Variants in CPO observed in about 807,000 individuals in gnomAD.
CPO encodes the protein metallocarboxypeptidase C.
Under a neutral mutation model 41.2 loss-of-function variants are expected in CPO, and 43 were observed. The observed-to-expected ratio is 1.04, with a 90% CI of 0.82 to 1.35. The LOEUF is 1.35. Among genes scored for constraint, CPO ranks in the 40% most tolerant of loss-of-function variants. The pLI is 0.00. For synonymous variants in CPO, 178 were observed against 162.7 expected (o/e 1.09, Z -0.72); for missense variants, 408 against 451.7 (o/e 0.90, Z 0.88).
At chr2:206,943,709 TAGATA>T (rs1559068319) in intron 1 of CPO, among the ~76,000 whole-genome samples, 2 of 73,484 alleles carry the variant, frequency 2.7e-5, no homozygotes, top group African/African-American at 5.2e-5. Flanking sequence ...GATAGATAGA[TAGATA>T]GATGATGGAT....
At chr2:206,943,472 T>C (rs1384439115) in intron 1 of CPO, among the ~76,000 whole-genome samples, 1 of 152,114 alleles carries the variant, frequency 6.6e-6, no homozygotes, top group Non-Finnish European at 1.5e-5. Flanking sequence ...ATTTTTATTC[T>C]CTTTATAGTC....
Position 206,959,752 on chromosome 2 carries a change from C to T in CPO, c.483+11C>T, listed in dbSNP as rs772178920. The T allele has an allele frequency of 1.7e-6, 2 of 1,187,420 alleles. No individual in the cohort carries two copies. Among genetic ancestry groups the T allele is most frequent in the Admixed American group, 3.4e-5 (2 of 58,176 alleles). The allele number at this position is 1,187,420 out of a possible 1,614,324, so 73.6% of individuals were successfully genotyped here. ...TACACTTGGACAACTGTGAGTACAC[C>T]ATGTTTGGTCCTGGGATGAGTTCAT... is the stretch of plus-strand genomic sequence containing the variant. On this transcript the variant is annotated intron_variant, in intron 5 of 8. Coordinates refer to ENST00000272852, the MANE Select transcript of CPO (RefSeq NM_173077.3).
In CPO at chr2:206,958,362, G is replaced by C. The variant is rs746305189; in HGVS notation, c.329G>C (p.Arg110Thr). 1.2e-6 allele frequency: 2 copies of C among 1,601,924 alleles called. No homozygotes were observed. Among genetic ancestry groups the C allele is most frequent in the African/African-American group, 1.3e-5 (1 of 74,372 alleles). The part of the protein sequence containing the change: ...IIWMDCGIHA[R>T]EWIAPAFCQW... The stretch of plus-strand genomic sequence containing the variant: ...TGGATGGACTGTGGAATTCACGCCA[G>C]AGAATGGATTGCTCCTGCTTTTTGC... Residue 110 changes from arginine to threonine, a missense_variant, in exon 4 of 9, where the codon AGA becomes ACA. Arg to Thr is a moderately conservative substitution (Grantham distance 71). Transcript: ENST00000272852.
At chr2:206,955,270 C>T (rs904394635) in intron 2 of CPO, among the ~76,000 whole-genome samples, 193 bp from the exon 3 acceptor site, 2 of 152,212 alleles carry the variant, frequency 1.3e-5, no homozygotes, top group Non-Finnish European at 2.9e-5. Flanking sequence ...GAACCTAAGA[C>T]TTGGTGACAG....
intron 1 of CPO, among the ~76,000 whole-genome samples, chr2:206,941,519 A>G (rs1693029462): frequency 6.6e-6 from 1 of 152,108 alleles, no homozygotes; most frequent in African/African-American, 2.4e-5. Context: ...CTTTAATTTA[A>G]AAAATTAGAT....
At chr2:206,946,637 A>T (rs1232324102) in intron 1 of CPO, among the ~76,000 whole-genome samples, 1 of 152,156 alleles carries the variant, frequency 6.6e-6, no homozygotes, top group Non-Finnish European at 1.5e-5. Flanking sequence ...ATAAAATAAA[A>T]AGTATACAGA....
intron 7 of CPO, 51 bp downstream of exon 7, chr2:206,962,665 C>T (rs1559074024): frequency 7.0e-7 from 1 of 1,428,872 alleles, no homozygotes; most frequent in African/African-American, 1.4e-5. Flanking sequence ...AGACCTCTGC[C>T]TTCCTTTTTC....
intron 7 of CPO, 33 bp from the exon 8 acceptor site, chr2:206,968,230 C>T (rs748953268): frequency 7.3e-7 from 1 of 1,364,322 alleles, no homozygotes; most frequent in South Asian, 1.2e-5. Flanking sequence ...ATTTTAAACA[C>T]CAGATATCTG....
At chr2:206,960,273 A>G (rs111867659) in intron 5 of CPO, among the ~76,000 whole-genome samples, 3 of 152,262 alleles carry the variant, frequency 2.0e-5, no homozygotes, top group African/African-American at 7.2e-5. Context: ...GAGAGTATGC[A>G]TTGCCTCCCC....
intron 1 of CPO, 140 bp downstream of exon 1, chr2:206,939,807 C>T (rs752563134): frequency 7.4e-5 from 37 of 498,778 alleles, no homozygotes; most frequent in Non-Finnish European, 1.3e-4. Flanking sequence ...ATAATAAAGA[C>T]CACTGAAATT....
At chr2:206,946,094 C>T (rs926255450) in intron 1 of CPO, among the ~76,000 whole-genome samples, 4 of 151,978 alleles carry the variant, frequency 2.6e-5, no homozygotes, top group African/African-American at 9.7e-5. Context: ...GCAATGTCTT[C>T]CAGAAATAGA....
At chr2:206,959,273 A>G (rs1693433755) in intron 4 of CPO, among the ~76,000 whole-genome samples, 1 of 152,094 alleles carries the variant, frequency 6.6e-6, no homozygotes, top group Admixed American at 6.5e-5. Context: ...TAGTTCTCGG[A>G]GTGTTGTCCC....
At chr2:206,945,976 T>TA (rs11394129) in intron 1 of CPO, among the ~76,000 whole-genome samples, 24,074 of 150,468 alleles carry the variant, frequency 0.16, 2,296 homozygotes, top group Middle Eastern at 0.33. Flanking sequence ...TTTTTTAAAT[T>TA]AAAAAAAAAG....
In CPO at chr2:206,949,636, CAA is replaced by C; in HGVS notation, c.89_90del (p.Gln30ArgfsTer18). 1 of 1,613,248 alleles carries C rather than the reference CAA, an allele frequency of 6.2e-7. No individual in the cohort carries two copies. The highest frequency in any genetic ancestry group is 1.1e-5 in the South Asian group (1 of 91,028). On this transcript the variant is annotated frameshift_variant, in exon 2 of 9. Coordinates refer to ENST00000272852, the MANE Select transcript of CPO (RefSeq NM_173077.3). LOFTEE classifies it high-confidence loss of function. ...TTGCAGATCCTTAGCCCAACACAGACAAGAGATTGTGGACAAGTCAGTGAGTC... is the reference window on the plus strand; with the variant it reads ...TTGCAGATCCTTAGCCCAACACAGACGAGATTGTGGACAAGTCAGTGAGTC... Reference protein sequence around the residue: ...GYDRSLAQHRQEIVDKSVSPW... With the variant: ...GYDRSLAQHRXEIVDKSVSPW...
chr2:206,950,948 G>A (rs1422636294), intron 2 of CPO, among the ~76,000 whole-genome samples: 1 of 151,466 alleles, frequency 6.6e-6, no homozygotes, highest in Non-Finnish European at 1.5e-5. Context: ...GGGCCTGGGG[G>A]AGGGATAGCA....
At chr2:206,960,791 C>A in intron 5 of CPO, 61 bp from the exon 6 acceptor site, 1 of 1,181,150 alleles carries the variant, frequency 8.5e-7, no homozygotes, top group Non-Finnish European at 1.3e-6. Context: ...CACCTATCAT[C>A]ACTAACACTG....
At chr2:206,948,371 A>G (rs1163834054) in intron 1 of CPO, among the ~76,000 whole-genome samples, 1 of 152,216 alleles carries the variant, frequency 6.6e-6, no homozygotes, top group Non-Finnish European at 1.5e-5. Flanking sequence ...TTACATTCTG[A>G]AAAGACAAAA....
In CPO at chr2:206,939,620, C is replaced by G; in HGVS notation, c.21C>G (p.Thr7=). The G allele has an allele frequency of 1.2e-6, 2 of 1,611,212 alleles. No homozygotes were observed. The highest frequency in any genetic ancestry group is 1.7e-6 in the Non-Finnish European group (2 of 1,177,952). Residue 7 remains threonine, a synonymous_variant, in exon 1 of 9, where the codon ACC becomes ACG. Coordinates refer to ENST00000272852, the MANE Select transcript of CPO (RefSeq NM_173077.3). The part of the protein sequence containing the change: MKPLLE[T]LYLLGMLVPG... ...GCAGAATGAAGCCTCTGCTTGAAACCCTTTATCTTTTGGGGATGCTGGTTC... is the reference window on the plus strand; with the variant it reads ...GCAGAATGAAGCCTCTGCTTGAAACGCTTTATCTTTTGGGGATGCTGGTTC...
intron 3 of CPO, among the ~76,000 whole-genome samples, chr2:206,956,685 C>A (rs771123834): frequency 6.6e-5 from 10 of 152,206 alleles, no homozygotes; most frequent in Non-Finnish European, 1.2e-4. Context: ...GGTCCAGGAC[C>A]ACTCTTTAAT....
Sources: allele counts gnomAD v4.1 joint callset (sites outside exome capture counted in the v4.1 genomes callset), GRCh38; gene constraint gnomAD v4.1.1; transcripts MANE v1.5; gene names NCBI Gene and HGNC (gene_info 2026-07-23, HGNC 2026-07-21).